Variants in SLC26A9 observed in about 807,000 individuals in gnomAD.
SLC26A9 encodes the protein solute carrier family 26 member 9.
A neutral mutation model predicts 87.1 loss-of-function variants in SLC26A9; 46 were observed. That is an observed-to-expected ratio of 0.53 (90% CI 0.42 to 0.67). The LOEUF (loss-of-function observed/expected upper bound fraction) is 0.67. SLC26A9 is among the 30% of genes least tolerant of loss of function. The pLI is 0.00. For synonymous variants in SLC26A9, 437 were observed against 409.1 expected, an observed-to-expected ratio of 1.07 and a Z score of -0.82; for missense variants, 927 against 1,018.3, an observed-to-expected ratio of 0.91 and a Z score of 1.22.
chr1:205,937,890 C>A (rs369746059), intron 1 of SLC26A9, among the ~76,000 whole-genome samples: 6 of 148,050 alleles, frequency 4.1e-5, no homozygotes, highest in Admixed American at 1.3e-4. Flanking sequence ...AGACCACTTG[C>A]AAAAAAAAAA....
At chr1:205,919,149 C>G (rs558041306) in intron 18 of SLC26A9, among the ~76,000 whole-genome samples, 164 bp from the exon 19 acceptor site, 1 of 152,142 alleles carries the variant, frequency 6.6e-6, no homozygotes, top group Non-Finnish European at 1.5e-5. Context: ...CAGTTTTGGA[C>G]GGCAGAGGGC....
chr1:205,938,556 TC>T (rs1659612761), intron 1 of SLC26A9, among the ~76,000 whole-genome samples: 1 of 152,158 alleles, frequency 6.6e-6, no homozygotes, highest in African/African-American at 2.4e-5. Context: ...GTTGGCTGGG[TC>T]CCTCCACACC....
rs768574946 is a variant in SLC26A9 at position 205,913,355 on chromosome 1, C to T, written c.*2002G>A. 32 of 152,580 alleles carry T rather than the reference C, an allele frequency of 2.1e-4. No individual in the cohort carries two copies. Among genetic ancestry groups the T allele is most frequent in the Non-Finnish European group, 3.7e-4 (25 of 68,056 alleles). 9.5% of individuals were successfully genotyped at this position (152,580 alleles called of 1,614,324 possible). ...TGTGTTTCCAATCTTACCTCCACAGCGGGCTCTGCAACCCTCAGACATGTG... is the reference window on the plus strand; with the variant it reads ...TGTGTTTCCAATCTTACCTCCACAGTGGGCTCTGCAACCCTCAGACATGTG... On this transcript the variant is annotated 3_prime_UTR_variant, in exon 21 of 21. Coordinates refer to ENST00000367135, the MANE Select transcript of SLC26A9 (RefSeq NM_052934.4).
chr1:205,939,351 C>T (rs1169137177), intron 1 of SLC26A9, among the ~76,000 whole-genome samples: 1 of 152,112 alleles, frequency 6.6e-6, no homozygotes, highest in African/African-American at 2.4e-5. Context: ...TTCTGACCAC[C>T]CTGGTGACCT....
At chr1:205,919,821 C>G (rs1230079675) in intron 18 of SLC26A9, among the ~76,000 whole-genome samples, 2 of 152,140 alleles carry the variant, frequency 1.3e-5, no homozygotes, top group Admixed American at 1.3e-4. Flanking sequence ...ATCCCCAAAT[C>G]CATCTAGTCA....
chr1:205,931,286 C>G (rs952061141), intron 5 of SLC26A9, among the ~76,000 whole-genome samples: 1 of 152,062 alleles, frequency 6.6e-6, no homozygotes, highest in Admixed American at 6.5e-5. Flanking sequence ...GGTTTCTCCA[C>G]GGGATAATGG....
chr1:205,930,193 T>C, intron 5 of SLC26A9, 137 bp from the exon 6 acceptor site: 1 of 923,236 alleles, frequency 1.1e-6, no homozygotes, highest in Non-Finnish European at 1.5e-6. Context: ...TTGGACCATC[T>C]GTGACCTTCA....
At position 205,932,746 on chromosome 1, in the gene SLC26A9, A is replaced by T; in HGVS notation, c.332T>A (p.Leu111His). The change falls in exon 4 of 21, where the codon CTC (leucine) becomes CAC (histidine). Residue 111 changes from leucine to histidine, a missense_variant. By Grantham distance (99) the Leu-to-His change is moderately conservative. Coordinates refer to ENST00000367135, the MANE Select transcript of SLC26A9 (RefSeq NM_052934.4). Reference sequence around the variant, plus strand: ...ACCCCCCAGGAAGAAGTAGGTCAGGAGGGGGAAGAAGGAGGAGTAGAGGCC... The same window carrying T: ...ACCCCCCAGGAAGAAGTAGGTCAGGTGGGGGAAGAAGGAGGAGTAGAGGCC... ...VNGLYSSFFPLLTYFFLGGVH... is the reference protein window; with the variant it reads ...VNGLYSSFFPHLTYFFLGGVH... 6.3e-7 allele frequency: 1 copy of T among 1,597,082 alleles called. No individual in the cohort carries two copies. The highest frequency in any genetic ancestry group is 1.7e-5 in the Admixed American group (1 of 58,270).
In SLC26A9 at chr1:205,914,798, G is replaced by C; in HGVS notation, c.*559C>G. 3 of 1,476,278 alleles carry C rather than the reference G, an allele frequency of 2.0e-6. No homozygotes were observed. The highest frequency in any genetic ancestry group is 2.8e-6 in the Non-Finnish European group (3 of 1,087,972). The allele number at this position is 1,476,278 out of a possible 1,614,324, so 91.4% of individuals were successfully genotyped here. ...TAGTTACCAAGGCCTAGACTCCTGG[G>C]TGTGGAGAGCACATGGTCCCTGGGT... On this transcript the variant is annotated 3_prime_UTR_variant, in exon 21 of 21. Coordinates refer to ENST00000367135, the MANE Select transcript of SLC26A9 (RefSeq NM_052934.4).
rs1309739708 is a variant in SLC26A9, at chr1:205,915,210, G to C, written c.*147C>G. 2 of 1,608,468 alleles carry C rather than the reference G, an allele frequency of 1.2e-6. No homozygotes were observed. Among genetic ancestry groups the C allele is most frequent in the Admixed American group, 3.3e-5 (2 of 59,762 alleles). On this transcript the variant is annotated 3_prime_UTR_variant, in exon 21 of 21. Transcript: ENST00000367135. ...TGGAGATGCGGGGAGGGAAGGAAGG[G>C]AGGAGAGAGGGGGAGAGGAGAGAGG...
At chr1:205,929,427 G>C in intron 6 of SLC26A9, 71 bp from the exon 7 acceptor site, 1 of 1,567,876 alleles carries the variant, frequency 6.4e-7, no homozygotes, top group Non-Finnish European at 8.7e-7. Flanking sequence ...TTGGGTGTCT[G>C]ACCCAGGGAA....
rs1256039392 is a variant in SLC26A9, at chr1:205,913,582, G to C, written c.*1775C>G. On this transcript the variant is annotated 3_prime_UTR_variant, in exon 21 of 21. Transcript: ENST00000367135. ...TGACCTTCTCCCACCTCCTGGGCCT[G>C]AGCTGGACTTGGAAGGAGGTGGAGT... 1 of 152,678 alleles carries C rather than the reference G, an allele frequency of 6.5e-6. No individual in the cohort carries two copies. Among genetic ancestry groups the C allele is most frequent in the African/African-American group, 2.4e-5 (1 of 41,444 alleles). 9.5% of individuals were successfully genotyped at this position (152,678 alleles called of 1,614,324 possible).
Position 205,915,090 on chromosome 1 carries a change from G to C in SLC26A9, c.*267C>G, listed in dbSNP as rs1359275436. The C allele has an allele frequency of 1.1e-5, 18 of 1,613,960 alleles. No individual in the cohort carries two copies. Among genetic ancestry groups the C allele is most frequent in the Non-Finnish European group, 1.4e-5 (17 of 1,179,980 alleles). On this transcript the variant is annotated 3_prime_UTR_variant, in exon 21 of 21. Coordinates refer to ENST00000367135, the MANE Select transcript of SLC26A9 (RefSeq NM_052934.4). ...GTGGGGTGGAGTGAGCAGGAGGCTT[G>C]TCCATTGCGGCCAGGGCCTGACGGG...
chr1:205,927,386 G>A (rs1287926064), intron 10 of SLC26A9, 98 bp from the exon 11 acceptor site: 5 of 1,558,960 alleles, frequency 3.2e-6, no homozygotes, highest in Non-Finnish European at 4.4e-6. Flanking sequence ...GACTAAGACG[G>A]GAAGAAGGGG....
At chr1:205,916,286 G>A (rs1212465768) in intron 20 of SLC26A9, among the ~76,000 whole-genome samples, 7 of 152,204 alleles carry the variant, frequency 4.6e-5, no homozygotes, top group Non-Finnish European at 7.4e-5. Context: ...TAGTAGAGAC[G>A]GGGTTTCGCC....
At chr1:205,941,299 G>A (rs1571766169) in intron 1 of SLC26A9, among the ~76,000 whole-genome samples, 1 of 152,140 alleles carries the variant, frequency 6.6e-6, no homozygotes, top group Admixed American at 6.5e-5. Context: ...CTCCCTAGGA[G>A]CTGGGATTAC....
chr1:205,930,617 G>A (rs995872353), intron 5 of SLC26A9, among the ~76,000 whole-genome samples: 2 of 152,078 alleles, frequency 1.3e-5, no homozygotes, highest in Admixed American at 6.5e-5. Context: ...ACCCAAAGTC[G>A]CTGTTCAGAG....
chr1:205,917,115 A>G (rs60644810), intron 20 of SLC26A9, among the ~76,000 whole-genome samples, 168 bp downstream of exon 20: 12,710 of 148,936 alleles, frequency 0.085, 651 homozygotes, highest in African/African-American at 0.13. Context: ...AAAAAAAAAG[A>G]AAAGGAAAAG....
intron 4 of SLC26A9, 103 bp from the exon 5 acceptor site, chr1:205,932,138 C>T: frequency 7.4e-7 from 1 of 1,359,318 alleles, no homozygotes; most frequent in Non-Finnish European, 1.0e-6. Flanking sequence ...GGGATGGATC[C>T]CTGCACCTCC....
Sources: allele counts gnomAD v4.1 joint callset (sites outside exome capture counted in the v4.1 genomes callset), GRCh38; gene constraint gnomAD v4.1.1; transcripts MANE v1.5; gene names NCBI Gene and HGNC (gene_info 2026-07-23, HGNC 2026-07-21).